Variants in ARHGAP10 observed in about 807,000 individuals in gnomAD.
The protein encoded by ARHGAP10 is Rho GTPase activating protein 10.
In ARHGAP10, 87 loss-of-function variants were observed where a neutral mutation model predicts 108.6. The ratio of observed to expected loss-of-function variants is 0.80; its 90% CI spans 0.67 to 0.96. The LOEUF is 0.96. ARHGAP10 is among the 40% of genes least tolerant of loss of function. ARHGAP10 has a pLI of 0.00. For missense variants in ARHGAP10, 939 were observed against 954.5 expected (o/e 0.98, Z 0.21); for synonymous variants, 347 against 341.1 (o/e 1.02, Z -0.19).
intron 21 of ARHGAP10, 48 bp downstream of exon 21, chr4:148,063,348 G>C (rs919302223): frequency 6.8e-6 from 11 of 1,609,174 alleles, no homozygotes; most frequent in Non-Finnish European, 7.6e-6. Context: ...GCACACACAG[G>C]GGGCTTGATG....
At chr4:148,037,971 T>C (rs1234266840) in intron 19 of ARHGAP10, among the ~76,000 whole-genome samples, 1 of 152,188 alleles carries the variant, frequency 6.6e-6, no homozygotes, top group Admixed American at 6.5e-5. Context: ...ACTTTATTTA[T>C]ATAGGTCACC....
rs72955524 is a variant in ARHGAP10 at position 147,786,220 on chromosome 4, C to T, written c.155-36507C>T. Among the ~76,000 whole-genome samples, 444 of 152,208 alleles carry T rather than the reference C, an allele frequency of 2.9e-3. 3 individuals are homozygous for T. The highest frequency in any genetic ancestry group is 0.01 in the African/African-American group (428 of 41,524). On this transcript the variant is annotated intron_variant, in intron 1 of 22. Transcript: ENST00000336498. The stretch of plus-strand genomic sequence containing the variant: ...TGGTAGCTGGAGAGCCTGGAAGCCT[C>T]TCTTAAGCAGCTGCATCATATCCAA...
At chr4:147,892,451 T>C (rs757773369) in intron 10 of ARHGAP10, among the ~76,000 whole-genome samples, 22 of 152,206 alleles carry the variant, frequency 1.4e-4, no homozygotes, top group Non-Finnish European at 2.8e-4. Context: ...TTTTTGGCAC[T>C]GAGGATACAG....
rs1738380052 is a variant in ARHGAP10 at position 147,946,390 on chromosome 4, TCTTA to T, written c.1304-226_1304-223del. The T allele has an allele frequency of 1.2e-5, 5 of 427,934 alleles. 1 individual carries two copies. Among genetic ancestry groups the T allele is most frequent in the Non-Finnish European group, 2.0e-5 (5 of 245,000 alleles). The allele number at this position is 427,934 out of a possible 1,614,324, so 26.5% of individuals were successfully genotyped here. On this transcript the variant is annotated intron_variant, in intron 14 of 22. Transcript: ENST00000336498. ...AATTCTTCCTTACTCCCAACCCATC[TCTTA>T]TTTTTTGCTTTGATCTCTACTACAG...
At position 147,875,007 on chromosome 4, in the gene ARHGAP10, T is replaced by G. The variant is rs1159048428; in HGVS notation, c.703-14T>G. 6.4e-7 allele frequency: 1 copy of G among 1,565,784 alleles called. No homozygotes were observed. Among genetic ancestry groups the G allele is most frequent in the Non-Finnish European group, 8.6e-7 (1 of 1,163,440 alleles). On this transcript the variant is annotated splice_polypyrimidine_tract_variant and intron_variant, in intron 7 of 22. Coordinates refer to ENST00000336498, the MANE Select transcript of ARHGAP10 (RefSeq NM_024605.4). The stretch of plus-strand genomic sequence containing the variant: ...AGAACTTAACATTTATGTGTGTTTT[T>G]TAATCCATTTCAGACACGGAATCGA...
intron 21 of ARHGAP10, among the ~76,000 whole-genome samples, chr4:148,063,942 C>A (rs985417922): frequency 1.3e-5 from 2 of 152,212 alleles, no homozygotes; most frequent in Non-Finnish European, 2.9e-5. Context: ...GCAAGAGCAA[C>A]AAGCCCCTTC....
intron 13 of ARHGAP10, among the ~76,000 whole-genome samples, chr4:147,930,564 A>G (rs1737637828): frequency 1.3e-5 from 2 of 152,178 alleles, no homozygotes; most frequent in African/African-American, 4.8e-5. Context: ...TCTTCACTTG[A>G]TTCCACCTCA....
chr4:147,963,107 G>C (rs1179141814), intron 16 of ARHGAP10, among the ~76,000 whole-genome samples: 1 of 152,082 alleles, frequency 6.6e-6, no homozygotes, highest in Non-Finnish European at 1.5e-5. Context: ...TTCTTGCTTT[G>C]TTTTCACTTG....
chr4:147,823,887 A>G (rs1256378242), intron 3 of ARHGAP10, among the ~76,000 whole-genome samples: 1 of 152,210 alleles, frequency 6.6e-6, no homozygotes, highest in Non-Finnish European at 1.5e-5. Context: ...TTTTGGGGTT[A>G]TTGAATATTG....
chr4:147,776,605 A>G (rs1730301123), intron 1 of ARHGAP10, among the ~76,000 whole-genome samples: 1 of 152,188 alleles, frequency 6.6e-6, no homozygotes, highest in African/African-American at 2.4e-5. Flanking sequence ...CTCCCCCAAG[A>G]CAGCAAGCTG....
intron 1 of ARHGAP10, among the ~76,000 whole-genome samples, chr4:147,784,905 A>G (rs1347370735): frequency 1.7e-5 from 2 of 117,122 alleles, no homozygotes; most frequent in East Asian, 4.5e-4. Context: ...TATATATTAT[A>G]AATATAATAT....
chr4:147,858,574 A>T (rs955626436), intron 5 of ARHGAP10: 2 of 152,200 alleles, frequency 1.3e-5, no homozygotes, highest in Non-Finnish European at 1.5e-5. Flanking sequence ...TGACATTTGG[A>T]TGGCACTTGA....
At chr4:147,760,031 T>G (rs1729532214) in intron 1 of ARHGAP10, among the ~76,000 whole-genome samples, 1 of 152,224 alleles carries the variant, frequency 6.6e-6, no homozygotes. Context: ...ATTATAGGCA[T>G]GAGACACTGG....
chr4:148,001,603 A>C (rs1414676659), intron 18 of ARHGAP10, among the ~76,000 whole-genome samples: 1 of 149,992 alleles, frequency 6.7e-6, no homozygotes, highest in Admixed American at 6.6e-5. Context: ...GCAGTGCTTT[A>C]TAGTTCTCCT....
chr4:147,941,135 A>T (rs373220393), intron 14 of ARHGAP10, among the ~76,000 whole-genome samples: 13 of 152,328 alleles, frequency 8.5e-5, no homozygotes, highest in African/African-American at 3.1e-4. Context: ...CATTTCCAAG[A>T]TGGTGTTATG....
intron 1 of ARHGAP10, among the ~76,000 whole-genome samples, chr4:147,744,824 G>T (rs1055033748): frequency 2.0e-5 from 3 of 152,072 alleles, no homozygotes; most frequent in African/African-American, 7.2e-5. Flanking sequence ...TTATGGGTGT[G>T]TATTTCAGGA....
At position 148,000,954 on chromosome 4, in the gene ARHGAP10, G is replaced by T. The variant is rs970199302; in HGVS notation, c.1717-22309G>T. Among the ~76,000 whole-genome samples the T allele has an allele frequency of 2.0e-5, 3 of 152,208 alleles. No individual in the cohort carries two copies. The East Asian group carries it at 5.8e-4, about 29-fold the overall frequency. On this transcript the variant is annotated intron_variant, in intron 18 of 22. Coordinates refer to ENST00000336498, the MANE Select transcript of ARHGAP10 (RefSeq NM_024605.4). ...AATTAGATCCCATCTGTAAATTTTGGCTTTTGTTGCCATTGCTTTTGGTGT... is the reference window on the plus strand; with the variant it reads ...AATTAGATCCCATCTGTAAATTTTGTCTTTTGTTGCCATTGCTTTTGGTGT...
rs182788496 is a variant in ARHGAP10, at chr4:147,782,357, A to G, written c.155-40370A>G. On this transcript the variant is annotated intron_variant, in intron 1 of 22. Coordinates refer to ENST00000336498, the MANE Select transcript of ARHGAP10 (RefSeq NM_024605.4). Reference sequence around the variant, plus strand: ...ATGGAGTGCTGGTGGCATTTTCCACATGGCATATGCGTTTTATTATCAGCA... The same window carrying G: ...ATGGAGTGCTGGTGGCATTTTCCACGTGGCATATGCGTTTTATTATCAGCA... 3.0e-3 allele frequency among the ~76,000 whole-genome samples: 450 copies of G among 152,268 alleles called. 3 individuals carry two copies. The highest frequency in any genetic ancestry group is 7.0e-3 in the East Asian group (36 of 5,176).
At chr4:147,814,984 A>C (rs370044058) in intron 1 of ARHGAP10, among the ~76,000 whole-genome samples, 23 of 152,220 alleles carry the variant, frequency 1.5e-4, no homozygotes, top group East Asian at 1.3e-3. Flanking sequence ...CCATTAAACC[A>C]GGCTTTCTTG....
Sources: gnomAD v4.1 joint callset for allele counts (sites outside exome capture counted in the v4.1 genomes callset) on GRCh38, gnomAD v4.1.1 for gene constraint, MANE v1.5 for transcripts, NCBI Gene and HGNC (gene_info 2026-07-23, HGNC 2026-07-21) for gene names.